Variants in SLC44A5 observed in about 807,000 individuals in gnomAD.
The protein encoded by SLC44A5 is choline transporter-like protein 5.
SLC44A5 carries 57 observed loss-of-function variants against 101.8 expected under a neutral mutation model. The observed-to-expected ratio is 0.56, with a 90% CI of 0.45 to 0.70. SLC44A5 has a LOEUF of 0.70. SLC44A5 is among the 30% of genes least tolerant of loss of function. The probability of loss-of-function intolerance (pLI) is 0.00; values close to 1 mark genes in which losing one functional copy is unlikely to be tolerated. For missense variants in SLC44A5, 737 were observed against 853.1 expected (o/e 0.86, Z 1.70); for synonymous variants, 281 against 290.9 (o/e 0.97, Z 0.35).
intron 2 of SLC44A5, among the ~76,000 whole-genome samples, chr1:75,442,033 T>TATCGA (rs1665237342): frequency 6.6e-6 from 1 of 151,966 alleles, no homozygotes; most frequent in Non-Finnish European, 1.5e-5. Flanking sequence ...CTTGGTTGAG[T>TATCGA]GATAATGTGC....
chr1:75,289,153 G>T (rs960310218), intron 5 of SLC44A5, among the ~76,000 whole-genome samples: 3 of 152,148 alleles, frequency 2.0e-5, no homozygotes, highest in African/African-American at 7.2e-5. Flanking sequence ...GCTATTAAAA[G>T]GGGTGCAATA....
chr1:75,422,081 T>C (rs184388350), intron 2 of SLC44A5, among the ~76,000 whole-genome samples: 20 of 152,310 alleles, frequency 1.3e-4, no homozygotes, highest in African/African-American at 4.8e-4. Flanking sequence ...TGTGTGTGTG[T>C]GTGCACGTGT....
chr1:75,550,513 G>T (rs1007324645), intron 1 of SLC44A5, among the ~76,000 whole-genome samples: 2 of 151,802 alleles, frequency 1.3e-5, no homozygotes, highest in Admixed American at 1.3e-4. Context: ...CCACTTCATT[G>T]TACACTTCTA....
In SLC44A5 at chr1:75,281,401, A is replaced by G. The variant is rs560628560; in HGVS notation, c.176-6359T>C. Among the ~76,000 whole-genome samples, 11 of 152,172 alleles carry G rather than the reference A, an allele frequency of 7.2e-5. No individual in the cohort carries two copies. The South Asian group carries it at 1.9e-3, about 26-fold the overall frequency. On this transcript the variant is annotated intron_variant, in intron 5 of 23. Transcript: ENST00000370859. ...CAGCAAAACGTTCAAGAGGATGTGG[A>G]GCATAAAAGTTTGGAAAATTTGCAG...
intron 3 of SLC44A5, among the ~76,000 whole-genome samples, chr1:75,351,792 A>AC (rs201896313): frequency 1.0e-4 from 8 of 78,276 alleles, no homozygotes; most frequent in Non-Finnish European, 1.4e-4. Context: ...CTGTCGCCCC[A>AC]CCCCCCCAAA....
At chr1:75,374,019 C>A (rs1660402491) in intron 3 of SLC44A5, among the ~76,000 whole-genome samples, 1 of 152,154 alleles carries the variant, frequency 6.6e-6, no homozygotes, top group Non-Finnish European at 1.5e-5. Flanking sequence ...CCAGACCAGT[C>A]CAGAAAGGGT....
chr1:75,344,693 A>G (rs1474443683), intron 3 of SLC44A5, among the ~76,000 whole-genome samples: 1 of 152,196 alleles, frequency 6.6e-6, no homozygotes, highest in Admixed American at 6.6e-5. Context: ...AGAAGCTTCT[A>G]GAACCTGGAA....
At chr1:75,692,024 A>T in the SLC44A5 span, among the ~76,000 whole-genome samples, 1 of 152,132 alleles carries the variant, frequency 6.6e-6, no homozygotes, top group Non-Finnish European at 1.5e-5. Flanking sequence ...ACACAAATTT[A>T]GATATAAAAT....
At chr1:75,543,636 T>TACACATATATATACACATATATAC (rs1671481406) in intron 1 of SLC44A5, among the ~76,000 whole-genome samples, 1 of 144,228 alleles carries the variant, frequency 6.9e-6, no homozygotes, top group South Asian at 2.2e-4. Context: ...TACGTATATA[T>TACACATATATATACACATATATAC]ACACATATAT....
At chr1:75,603,318 CT>C (rs541728899) in intron 1 of SLC44A5, among the ~76,000 whole-genome samples, 9 of 148,548 alleles carry the variant, frequency 6.1e-5, no homozygotes, top group African/African-American at 2.2e-4. Context: ...TGATTTTGTT[CT>C]TTTTTTGGCT....
At chr1:75,337,791 C>A (rs78298427) in intron 4 of SLC44A5, among the ~76,000 whole-genome samples, 1 of 152,132 alleles carries the variant, frequency 6.6e-6, no homozygotes, top group Non-Finnish European at 1.5e-5. Flanking sequence ...GGTGACTAGG[C>A]ACAAAATGCT....
intron 5 of SLC44A5, among the ~76,000 whole-genome samples, chr1:75,291,226 G>GATAGGTTTTTCATTTTCATTTTA (rs1222800689): frequency 1.3e-5 from 2 of 152,136 alleles, no homozygotes; most frequent in Admixed American, 1.3e-4. Flanking sequence ...CACATTAGAA[G>GATAGGTTTTTCATTTTCATTTTA]ATAGGTTTTT....
intron 4 of SLC44A5, among the ~76,000 whole-genome samples, chr1:75,309,870 G>T (rs1655172456): frequency 6.6e-6 from 1 of 152,170 alleles, no homozygotes; most frequent in Non-Finnish European, 1.5e-5. Context: ...TCCAACCATT[G>T]TAATGGAAAT....
rs1278844510 is a variant in SLC44A5, at chr1:75,217,901, T to G, written c.1589A>C (p.Lys530Thr). ...GTGGTCCAAGTATTCTAGTACAATT[T>G]TAAACATTTGAATTAATGCAATAAT... is the stretch of plus-strand genomic sequence containing the variant. ...SLIIALIQMF[K>T]IVLEYLDHRL... Residue 530 changes from lysine to threonine, a missense_variant, in exon 18 of 24, where the codon AAA becomes ACA. Lys to Thr is a moderately conservative substitution (Grantham distance 78, BLOSUM62 -1). Coordinates refer to ENST00000370859, the MANE Select transcript of SLC44A5 (RefSeq NM_001130058.2). 6.2e-7 allele frequency: 1 copy of G among 1,604,444 alleles called. No individual in the cohort carries two copies. Among genetic ancestry groups the G allele is most frequent in the Non-Finnish European group, 8.5e-7 (1 of 1,171,516 alleles).
chr1:75,639,733 T>C, the SLC44A5 span, among the ~76,000 whole-genome samples: 30 of 152,116 alleles, frequency 2.0e-4, no homozygotes, highest in Admixed American at 7.9e-4. Flanking sequence ...AATTGTTTTC[T>C]ATGGTCTCTG....
chr1:75,218,689 C>A lies in SLC44A5; in HGVS notation c.1330G>T (p.Gly444Cys). 1 of 1,613,498 alleles carries A rather than the reference C, an allele frequency of 6.2e-7. No individual in the cohort carries two copies. Among genetic ancestry groups the A allele is most frequent in the South Asian group, 1.1e-5 (1 of 91,060 alleles). ...TACTGATGGTACAAGCTCTTTCCAC[C>A]ATAGAAAGCAAAGTTACACAGAGCC... ...PGALCNFAFY[G>C]GKSLYHQYIP... is the part of the protein sequence containing the mutation. The change falls in exon 17 of 24, where the codon GGT becomes TGT. Residue 444 changes from glycine (G) to cysteine (C), a missense_variant. Gly to Cys is a radical substitution (Grantham distance 159, BLOSUM62 -3). Around this residue, in one of 3 missense-constraint regions of SLC44A5, gnomAD observed 665 missense variants for 764.4 expected, o/e 0.87. Transcript: ENST00000370859.
the SLC44A5 span, among the ~76,000 whole-genome samples, chr1:75,700,071 C>G: frequency 6.6e-6 from 1 of 151,938 alleles, no homozygotes; most frequent in Admixed American, 6.6e-5. Flanking sequence ...ACTTTAACAC[C>G]CCGCTGTCAA....
At chr1:75,487,016 C>T (rs1157122974) in intron 2 of SLC44A5, among the ~76,000 whole-genome samples, 1 of 152,140 alleles carries the variant, frequency 6.6e-6, no homozygotes, top group Non-Finnish European at 1.5e-5. Flanking sequence ...TGTAAATGTG[C>T]AGTGACTAAT....
At chr1:75,570,401 G>T (rs1673011721) in intron 1 of SLC44A5, among the ~76,000 whole-genome samples, 2 of 152,266 alleles carry the variant, frequency 1.3e-5, no homozygotes, top group South Asian at 4.1e-4. Context: ...TACACAAAGA[G>T]AAAGGCTAAA....
Sources: allele counts gnomAD v4.1 joint callset (sites outside exome capture counted in the v4.1 genomes callset), GRCh38; gene constraint gnomAD v4.1.1; regional missense constraint gnomAD v4.1.1; transcripts MANE v1.5; gene names NCBI Gene and HGNC (gene_info 2026-07-23, HGNC 2026-07-21).